Variants in PSMD14 observed in about 807,000 individuals in gnomAD.
PSMD14 encodes the protein proteasome 26S subunit, non-ATPase 14.
A neutral mutation model predicts 41.2 loss-of-function variants in PSMD14; 7 were observed. The observed-to-expected ratio is 0.17, with a 90% confidence interval of 0.10 to 0.32. PSMD14 has a LOEUF of 0.32. PSMD14 is among the 10% of genes least tolerant of loss of function. PSMD14 has a pLI of 1.00. For synonymous variants in PSMD14, 114 were observed against 122.3 expected (o/e 0.93, Z 0.45); for missense variants, 139 against 375.6 (o/e 0.37, Z 5.21).
chr2:161,393,067 T>G (rs759770161), intron 9 of PSMD14, among the ~76,000 whole-genome samples: 2 of 152,190 alleles, frequency 1.3e-5, no homozygotes, highest in Non-Finnish European at 2.9e-5. Flanking sequence ...TTAACCTGCC[T>G]TCTTGGTAAC....
intron 3 of PSMD14, chr2:161,341,013 G>T (rs1415407338): frequency 6.2e-7 from 1 of 1,609,960 alleles, no homozygotes; most frequent in Non-Finnish European, 8.5e-7. Flanking sequence ...CTGCTCCTCC[G>T]CCTCCGCTGG....
intron 3 of PSMD14, among the ~76,000 whole-genome samples, chr2:161,326,282 C>T (rs985697606): frequency 3.9e-5 from 6 of 152,116 alleles, no homozygotes; most frequent in Admixed American, 2.6e-4. Context: ...CCGCCCACCT[C>T]GGCCTCCGAA....
intron 3 of PSMD14, among the ~76,000 whole-genome samples, chr2:161,323,788 T>C (rs1021518304): frequency 1.3e-5 from 2 of 152,258 alleles, no homozygotes; most frequent in African/African-American, 4.8e-5. Context: ...ATTAGTACTA[T>C]TAAAATTTAT....
intron 3 of PSMD14, among the ~76,000 whole-genome samples, chr2:161,338,767 C>A (rs903887875): frequency 1.3e-5 from 2 of 152,178 alleles, no homozygotes; most frequent in African/African-American, 4.8e-5. Context: ...GAACATCCAT[C>A]ATTCTCAGAA....
In PSMD14 at chr2:161,407,286, T is replaced by C. The variant is rs532470788; in HGVS notation, c.772-1551T>C. 5.3e-5 allele frequency among the ~76,000 whole-genome samples: 8 copies of C among 152,308 alleles called. No individual in the cohort carries two copies. In the South Asian group the frequency reaches 1.7e-3, roughly 32 times the overall value. On this transcript the variant is annotated intron_variant, in intron 10 of 11. Transcript: ENST00000409682. ...AAGCAATTTCCCAGTTAGGAAATAC[T>C]TTTATAACTGAAAATAATAGAGTGA...
Position 161,367,480 on chromosome 2 carries a change from G to A in PSMD14, c.51G>A (p.Gly17=), listed in dbSNP as rs752494679. The change falls in exon 4 of 12, where the codon GGG becomes GGA. Residue 17 remains glycine, a splice_region_variant and synonymous_variant. Transcript: ENST00000409682. ...ATAATTGATGTATTTGTTTCTAGGG[G>A]CCACCTACAGATGCTCCTGCAGTGG... is the stretch of plus-strand genomic sequence containing the variant. ...LGGGMPGLGQ[G]PPTDAPAVDT... The A allele has an allele frequency of 1.3e-6, 2 of 1,589,588 alleles. No homozygotes were observed. Among genetic ancestry groups the A allele is most frequent in the Non-Finnish European group, 1.7e-6 (2 of 1,166,708 alleles).
chr2:161,369,249 CTCTAAT>C lies in PSMD14; in HGVS notation c.241-853_241-848del, dbSNP rs1683400319. ...TAAAAGATTTTGATCCCTATATTCA[CTCTAAT>C]TCTATTTTCTAGTGTCATAGAATTA... is the stretch of plus-strand genomic sequence containing the variant. On this transcript the variant is annotated intron_variant, in intron 5 of 11. Coordinates refer to ENST00000409682, the MANE Select transcript of PSMD14 (RefSeq NM_005805.6). 2.6e-5 allele frequency among the ~76,000 whole-genome samples: 4 copies of C among 152,150 alleles called. No homozygotes were observed. The South Asian group carries it at 8.3e-4, about 32-fold the overall frequency.
chr2:161,374,515 G>A (rs1423318382), intron 7 of PSMD14, among the ~76,000 whole-genome samples: 1 of 151,874 alleles, frequency 6.6e-6, no homozygotes, highest in Non-Finnish European at 1.5e-5. Context: ...GAAAATCAAT[G>A]GTAATTGCAT....
chr2:161,347,398 T>C (rs1209686610), intron 3 of PSMD14, among the ~76,000 whole-genome samples: 2 of 152,104 alleles, frequency 1.3e-5, no homozygotes, highest in Admixed American at 1.3e-4. Flanking sequence ...CCTGCTCCAG[T>C]CTCCTGAGTA....
At chr2:161,353,105 G>T (rs1320704125) in intron 3 of PSMD14, among the ~76,000 whole-genome samples, 1 of 152,176 alleles carries the variant, frequency 6.6e-6, no homozygotes, top group East Asian at 1.9e-4. Context: ...TTAAGACTAT[G>T]AGTCAGATGT....
chr2:161,396,446 G>A (rs1157171394), intron 10 of PSMD14, among the ~76,000 whole-genome samples: 1 of 151,980 alleles, frequency 6.6e-6, no homozygotes, highest in African/African-American at 2.4e-5. Context: ...ATACTATTCA[G>A]CCATTAAAAA....
chr2:161,406,388 G>A (rs1198111484), intron 10 of PSMD14, among the ~76,000 whole-genome samples: 6 of 152,128 alleles, frequency 3.9e-5, no homozygotes, highest in South Asian at 2.1e-4. Flanking sequence ...TGAGTAAACC[G>A]AAGAGCACGA....
chr2:161,359,006 G>T (rs908765045), intron 3 of PSMD14, among the ~76,000 whole-genome samples: 1 of 152,120 alleles, frequency 6.6e-6, no homozygotes, highest in Non-Finnish European at 1.5e-5. Context: ...GGGCCTCGTT[G>T]TCCAGGCTGG....
In PSMD14 at chr2:161,313,854, A is replaced by G. The variant is rs1052191665; in HGVS notation, c.-137-2583A>G. On this transcript the variant is annotated intron_variant, in intron 1 of 11. Coordinates refer to ENST00000409682, the MANE Select transcript of PSMD14 (RefSeq NM_005805.6). ...CTAGCTGATTACTTCTGGTTCTTGT[A>G]TTTGTCATCCTGTGTGTGTGTGTAT... Among the ~76,000 whole-genome samples the G allele has an allele frequency of 1.9e-4, 29 of 152,116 alleles. 1 individual carries two copies. The highest frequency in any genetic ancestry group is 1.6e-3 in the Admixed American group (25 of 15,284).
chr2:161,410,147 A>C (rs1380174350), intron 11 of PSMD14, among the ~76,000 whole-genome samples: 1 of 152,174 alleles, frequency 6.6e-6, no homozygotes, highest in African/African-American at 2.4e-5. Context: ...ACTGCATGGC[A>C]AAAGCAAAAC....
At chr2:161,347,505 G>A (rs916841482) in intron 3 of PSMD14, among the ~76,000 whole-genome samples, 3 of 152,126 alleles carry the variant, frequency 2.0e-5, no homozygotes, top group Non-Finnish European at 4.4e-5. Context: ...TCTCTACTCA[G>A]ACGTTAGATC....
intron 9 of PSMD14, among the ~76,000 whole-genome samples, chr2:161,393,292 A>G (rs1683740047): frequency 6.6e-6 from 1 of 152,142 alleles, no homozygotes; most frequent in South Asian, 2.1e-4. Flanking sequence ...CAGCACCCAC[A>G]TTTCCCAAAC....
chr2:161,393,384 T>A (rs984233159), intron 9 of PSMD14, among the ~76,000 whole-genome samples: 2 of 151,964 alleles, frequency 1.3e-5, no homozygotes, highest in African/African-American at 4.8e-5. Flanking sequence ...GTTTTCCTAA[T>A]TTTTTTTGGC....
In PSMD14 at chr2:161,328,275, G is replaced by A. The variant is rs565518031; in HGVS notation, c.48+9402G>A. Reference sequence around the variant, plus strand: ...TTGCAAAATATTTAAATGTCTAAATGTGTTATGATGAAATTAATGCAGCAG... The same window carrying A: ...TTGCAAAATATTTAAATGTCTAAATATGTTATGATGAAATTAATGCAGCAG... On this transcript the variant is annotated intron_variant, in intron 3 of 11. Coordinates refer to ENST00000409682, the MANE Select transcript of PSMD14 (RefSeq NM_005805.6). Among the ~76,000 whole-genome samples, 8 of 152,178 alleles carry A rather than the reference G, an allele frequency of 5.3e-5. No individual in the cohort carries two copies. The East Asian group carries it at 1.5e-3, about 29-fold the overall frequency.
Sources: allele counts gnomAD v4.1 joint callset (sites outside exome capture counted in the v4.1 genomes callset), GRCh38; gene constraint gnomAD v4.1.1; transcripts MANE v1.5; gene names NCBI Gene and HGNC (gene_info 2026-07-23, HGNC 2026-07-21).